The following TLK2 variants were observed in gnomAD, a reference collection of about 807,000 sequenced individuals.
TLK2 encodes the protein tousled like kinase 2.
Under a neutral mutation model 117.3 loss-of-function variants are expected in TLK2, and 6 were observed. That is an observed-to-expected ratio of 0.05 (90% CI 0.03 to 0.10). The LOEUF (loss-of-function observed/expected upper bound fraction) is 0.10, where lower values mean the gene tolerates loss of function less well. Among genes scored for constraint, TLK2 ranks in the 10% least tolerant of loss-of-function variants. The pLI is 1.00. For synonymous variants in TLK2, 257 were observed against 316.7 expected, an observed-to-expected ratio of 0.81 and a Z score of 2.00; for missense variants, 299 against 901.2, an observed-to-expected ratio of 0.33 and a Z score of 8.56.
intron 11 of TLK2, among the ~76,000 whole-genome samples, chr17:62,567,655 T>C (rs969241382): frequency 6.6e-6 from 1 of 152,222 alleles, no homozygotes; most frequent in African/African-American, 2.4e-5. Flanking sequence ...ATTCTGCACA[T>C]GAGAAACTCC....
chr17:62,500,079 T>A lies in TLK2; in HGVS notation c.81+18873T>A, dbSNP rs8077270. Among the ~76,000 whole-genome samples the A allele has an allele frequency of 5.7e-3, 866 of 152,056 alleles. 8 individuals carry two copies. The highest frequency in any genetic ancestry group is 0.02 in the African/African-American group (826 of 41,496). The stretch of plus-strand genomic sequence containing the variant: ...CGAGTCTTTATTATTATTATTTTAT[T>A]TTTTAAAGAGATGAGGGTCTCCCTA... On this transcript the variant is annotated intron_variant, in intron 2 of 21. Coordinates refer to ENST00000346027, the MANE Select transcript of TLK2 (RefSeq NM_006852.6).
Position 62,540,876 on chromosome 17 carries a change from G to T in TLK2, c.531+4539G>T, listed in dbSNP as rs1355722816. ...AGTCCAGTCATGCCACTCCCCTGTC[G>T]AAAAGTCCTTAAAGTGGCCCTGCAT... On this transcript the variant is annotated intron_variant, in intron 7 of 21. Transcript: ENST00000346027. Among the ~76,000 whole-genome samples the T allele has an allele frequency of 5.9e-5, 9 of 152,158 alleles. No homozygotes were observed. In the South Asian group the frequency reaches 1.7e-3, roughly 28 times the overall value.
At chr17:62,577,732 G>A (rs2080915323) in intron 13 of TLK2, among the ~76,000 whole-genome samples, 1 of 152,122 alleles carries the variant, frequency 6.6e-6, no homozygotes, top group African/African-American at 2.4e-5. Flanking sequence ...TTTTCCCACT[G>A]GGTTCTCAGA....
At chr17:62,600,142 C>T (rs1457049066) in intron 17 of TLK2, 1 of 152,366 alleles carries the variant, frequency 6.6e-6, no homozygotes, top group Non-Finnish European at 1.5e-5. Context: ...TACTCATTGC[C>T]AGCACTCAGG....
intron 2 of TLK2, among the ~76,000 whole-genome samples, chr17:62,482,026 G>T (rs1302166125): frequency 6.6e-6 from 1 of 151,816 alleles, no homozygotes; most frequent in Non-Finnish European, 1.5e-5. Flanking sequence ...GCTCACTGCA[G>T]CCTCCACCTC....
chr17:62,588,795 G>A (rs1216617785), intron 16 of TLK2, among the ~76,000 whole-genome samples: 1 of 152,104 alleles, frequency 6.6e-6, no homozygotes, highest in East Asian at 1.9e-4. Context: ...AGAAAATGGC[G>A]AATTGACAAA....
At chr17:62,516,974 C>A (rs1458537671) in intron 2 of TLK2, among the ~76,000 whole-genome samples, 1 of 152,062 alleles carries the variant, frequency 6.6e-6, no homozygotes, top group Non-Finnish European at 1.5e-5. Flanking sequence ...GCAGTAATCT[C>A]AGCTCACTGC....
At chr17:62,487,704 A>C (rs545516404) in intron 2 of TLK2, among the ~76,000 whole-genome samples, 133 of 143,746 alleles carry the variant, frequency 9.3e-4, no homozygotes, top group African/African-American at 3.3e-3. Context: ...GCTCACCGCA[A>C]CATCCGCCTC....
intron 7 of TLK2, among the ~76,000 whole-genome samples, chr17:62,544,310 T>C (rs2077746829): frequency 6.6e-6 from 1 of 152,152 alleles, no homozygotes; most frequent in African/African-American, 2.4e-5. Flanking sequence ...CTGGGAGGCC[T>C]CAGGAAGCTT....
At chr17:62,516,924 T>G (rs1466575727) in intron 2 of TLK2, among the ~76,000 whole-genome samples, 1 of 152,194 alleles carries the variant, frequency 6.6e-6, no homozygotes, top group Non-Finnish European at 1.5e-5. Flanking sequence ...CACCATTTTT[T>G]GAGACCGTCT....
chr17:62,600,453 A>G (rs2082793785), intron 17 of TLK2, 198 bp from the exon 18 acceptor site: 3 of 493,538 alleles, frequency 6.1e-6, no homozygotes, highest in Non-Finnish European at 1.1e-5. Context: ...AGGGTGTGGA[A>G]ACTCTTCAAG....
chr17:62,556,186 A>T (rs547161293), intron 9 of TLK2, among the ~76,000 whole-genome samples: 1 of 152,296 alleles, frequency 6.6e-6, no homozygotes, highest in African/African-American at 2.4e-5. Flanking sequence ...AAGTGCTGGG[A>T]TTACAGGCGT....
intron 11 of TLK2, among the ~76,000 whole-genome samples, chr17:62,570,805 A>T (rs1598658221): frequency 1.3e-5 from 2 of 152,304 alleles, no homozygotes; most frequent in South Asian, 4.1e-4. Flanking sequence ...ATCTGAAGAG[A>T]TTAAACATAT....
intron 2 of TLK2, among the ~76,000 whole-genome samples, chr17:62,515,136 G>A (rs1411409974): frequency 6.6e-6 from 1 of 152,086 alleles, no homozygotes; most frequent in African/African-American, 2.4e-5. Flanking sequence ...CTTGTGACTG[G>A]CTTATTCACT....
chr17:62,584,830 T>C (rs925547306), intron 15 of TLK2, among the ~76,000 whole-genome samples: 2 of 152,214 alleles, frequency 1.3e-5, no homozygotes, highest in African/African-American at 4.8e-5. Flanking sequence ...TAGGTTTAGA[T>C]AGATCTGTAA....
intron 20 of TLK2, among the ~76,000 whole-genome samples, chr17:62,607,246 G>C (rs1452569319): frequency 6.6e-6 from 1 of 150,986 alleles, no homozygotes. Flanking sequence ...GTGACCAGGC[G>C]TGGTGGCTCA....
At chr17:62,555,274 G>A (rs1048997670) in intron 9 of TLK2, among the ~76,000 whole-genome samples, 8 of 151,956 alleles carry the variant, frequency 5.3e-5, no homozygotes, top group African/African-American at 1.9e-4. Context: ...TTGAATATAT[G>A]TTTAATAATA....
chr17:62,496,500 T>C (rs1245451026), intron 2 of TLK2, among the ~76,000 whole-genome samples: 1 of 152,192 alleles, frequency 6.6e-6, no homozygotes, highest in Non-Finnish European at 1.5e-5. Context: ...TTCTTCTCCA[T>C]GGAGAGGAGG....
chr17:62,594,365 G>A (rs964104759), intron 16 of TLK2, among the ~76,000 whole-genome samples: 7 of 152,072 alleles, frequency 4.6e-5, no homozygotes, highest in Admixed American at 4.6e-4. Context: ...CTGTGATCGC[G>A]CCACTGCACT....
Sources: gnomAD v4.1 joint callset for allele counts (sites outside exome capture counted in the v4.1 genomes callset) on GRCh38, gnomAD v4.1.1 for gene constraint, MANE v1.5 for transcripts, NCBI Gene and HGNC (gene_info 2026-07-23, HGNC 2026-07-21) for gene names.